HECTD4: variants seen among roughly 807,000 people sequenced by gnomAD.
HECTD4 encodes probable E3 ubiquitin-protein ligase HECTD4.
Under a neutral mutation model 471.5 loss-of-function variants are expected in HECTD4, and 114 were observed. The observed-to-expected ratio is 0.24, with a 90% CI of 0.21 to 0.28. The LOEUF (loss-of-function observed/expected upper bound fraction) is 0.28. HECTD4 is among the 10% of genes least tolerant of loss of function. The probability of loss-of-function intolerance (pLI) is 1.00; values close to 1 mark genes in which losing one functional copy is unlikely to be tolerated. For synonymous variants in HECTD4, 2,012 were observed against 2,256.0 expected, an observed-to-expected ratio of 0.89 and a Z score of 3.07; for missense variants, 3,866 against 5,651.5, an observed-to-expected ratio of 0.68 and a Z score of 10.13.
chr12:112,228,006 G>A lies in HECTD4; in HGVS notation c.6854+83C>T. On this transcript the variant is annotated intron_variant, in intron 43 of 75. Coordinates refer to ENST00000682272, the MANE Select transcript of HECTD4 (RefSeq NM_001388303.1). This position sits in a 1 kb window ranked among gnomAD's most constrained non-coding sequence, Gnocchi z 4.9. The stretch of plus-strand genomic sequence containing the variant: ...TCAAGCTGTGGATTCACTAAGTTGG[G>A]AGTGGAGGGGCCCACCAAGGATCCC... 7.9e-7 allele frequency: 1 copy of A among 1,268,824 alleles called. No homozygotes were observed. The highest frequency in any genetic ancestry group is 1.7e-5 in the South Asian group (1 of 59,854). 78.6% of individuals were successfully genotyped at this position (1,268,824 alleles called of 1,614,324 possible). A position where few individuals can be genotyped will look rare whatever the true frequency, so the allele number is the denominator to read the frequency against.
At position 112,306,172 on chromosome 12, in the gene HECTD4, C is replaced by T; in HGVS notation, c.1227G>A (p.Val409=). 1 of 1,612,224 alleles carries T rather than the reference C, an allele frequency of 6.2e-7. No individual in the cohort carries two copies. Among genetic ancestry groups the T allele is most frequent in the Non-Finnish European group, 8.5e-7 (1 of 1,179,344 alleles). ...AGTAAGTGCCATCTGAAGACAGGTG[C>T]ACAGTGCTCATGGTGCTGCCAATGG... is the stretch of plus-strand genomic sequence containing the variant. ...HLPIGSTMST[V]HLSSDGTYFY... Residue 409 remains valine, a synonymous_variant, in exon 7 of 76, where the codon GTG becomes GTA. Coordinates refer to ENST00000682272, the MANE Select transcript of HECTD4 (RefSeq NM_001388303.1).
At chr12:112,293,918 G>T (rs1210320270) in intron 7 of HECTD4, among the ~76,000 whole-genome samples, 1 of 152,098 alleles carries the variant, frequency 6.6e-6, no homozygotes, top group Non-Finnish European at 1.5e-5. Context: ...TGTGGGCGGG[G>T]AGGCAAGGTC....
rs535467078 is a variant in HECTD4 at position 112,236,907 on chromosome 12, C to T, written c.5444+38G>A. 357 of 1,493,674 alleles carry T rather than the reference C, an allele frequency of 2.4e-4. 3 individuals carry two copies. In the East Asian group the frequency reaches 7.4e-3, roughly 31 times the overall value. 92.5% of individuals were successfully genotyped at this position (1,493,674 alleles called of 1,614,324 possible). On this transcript the variant is annotated intron_variant, in intron 35 of 75. Coordinates refer to ENST00000682272, the MANE Select transcript of HECTD4 (RefSeq NM_001388303.1). ...AAACCCCAATCGTTCAAGAGGAAAG[C>T]CAGCTTCTCCCAGAGCTCCAGGCTG...
chr12:112,282,976 C>T (rs568042150), intron 8 of HECTD4, 134 bp downstream of exon 8: 19 of 587,452 alleles, frequency 3.2e-5, no homozygotes, highest in Non-Finnish European at 4.2e-5. Context: ...AAAAGCTGGA[C>T]AATGACTGGA....
chr12:112,247,064 T>C lies in HECTD4; in HGVS notation c.4350A>G (p.Leu1450=). 1.2e-6 allele frequency: 2 copies of C among 1,604,700 alleles called. No individual in the cohort carries two copies. The highest frequency in any genetic ancestry group is 8.5e-7 in the Non-Finnish European group (1 of 1,175,632). Residue 1450 remains leucine (L), a synonymous_variant, in exon 29 of 76, where the codon CTA becomes CTG. Transcript: ENST00000682272. ...NMVLSLREKF[L]QEVNSLIQKP... ...TCTGAATAAGAGAATTCACTTCTTG[T>C]AGGAACTTCTCCCTATAAAGAAAGA...
At chr12:112,287,943 T>C (rs2034791419) in intron 7 of HECTD4, among the ~76,000 whole-genome samples, 1 of 152,068 alleles carries the variant, frequency 6.6e-6, no homozygotes, top group African/African-American at 2.4e-5. Flanking sequence ...TGGCCCCTAA[T>C]GAATGATGCA....
At chr12:112,288,365 G>A (rs1395130708) in intron 7 of HECTD4, among the ~76,000 whole-genome samples, 1 of 151,248 alleles carries the variant, frequency 6.6e-6, no homozygotes, top group Non-Finnish European at 1.5e-5. Context: ...GCTCATGCCT[G>A]TAATCCCAGC....
At chr12:112,323,261 AGAGTT>A (rs1339310045) in intron 1 of HECTD4, among the ~76,000 whole-genome samples, 1 of 152,200 alleles carries the variant, frequency 6.6e-6, no homozygotes, top group Non-Finnish European at 1.5e-5. Context: ...GAATGCAGAT[AGAGTT>A]AAGAAATGAC....
chr12:112,352,217 A>G (rs2036257805), intron 1 of HECTD4, among the ~76,000 whole-genome samples: 1 of 152,136 alleles, frequency 6.6e-6, no homozygotes, highest in Non-Finnish European at 1.5e-5. Context: ...AATATGAGTT[A>G]GGGTAGCTGT....
Position 112,235,857 on chromosome 12 carries a change from C to T in HECTD4, c.5445-73G>A. 7.9e-7 allele frequency: 1 copy of T among 1,267,678 alleles called. No homozygotes were observed. The highest frequency in any genetic ancestry group is 2.5e-5 in the East Asian group (1 of 39,564). The allele number at this position is 1,267,678 out of a possible 1,614,324, so 78.5% of individuals were successfully genotyped here. A position where few individuals can be genotyped will look rare whatever the true frequency, so the allele number is the denominator to read the frequency against. The stretch of plus-strand genomic sequence containing the variant: ...ATAGACATTCAGAAGCAAGAGTTCT[C>T]TGAATGAAACAAACCAATGAAATCT... On this transcript the variant is annotated intron_variant, in intron 35 of 75. Transcript: ENST00000682272. This position sits in a 1 kb window ranked among gnomAD's most constrained non-coding sequence, Gnocchi z 5.0.
Position 112,193,760 on chromosome 12 carries a change from A to C in HECTD4, c.8750-86T>G. On this transcript the variant is annotated intron_variant, in intron 56 of 75. Transcript: ENST00000682272. The surrounding 1 kb of genome is among the most constrained non-coding windows in gnomAD (Gnocchi z 5.2). ...CTAAGTAACAGAAAATGAATAACCC[A>C]TCCAGAAACCCCAGATGGGAGGGTT... is the stretch of plus-strand genomic sequence containing the variant. The C allele has an allele frequency of 8.3e-7, 1 of 1,207,462 alleles. No individual in the cohort carries two copies. Among genetic ancestry groups the C allele is most frequent in the Non-Finnish European group, 1.2e-6 (1 of 839,204 alleles). 74.8% of individuals were successfully genotyped at this position (1,207,462 alleles called of 1,614,324 possible).
At position 112,235,340 on chromosome 12, in the gene HECTD4, ATGGTTTGGGATT is replaced by A; in HGVS notation, c.5726-86_5726-75del. 6.6e-7 allele frequency: 1 copy of A among 1,521,464 alleles called. No homozygotes were observed. The highest frequency in any genetic ancestry group is 1.3e-5 in the South Asian group (1 of 78,046). 94.2% of individuals were successfully genotyped at this position (1,521,464 alleles called of 1,614,324 possible). A position where few individuals can be genotyped will look rare whatever the true frequency, so the allele number is the denominator to read the frequency against. On this transcript the variant is annotated intron_variant, in intron 36 of 75. Coordinates refer to ENST00000682272, the MANE Select transcript of HECTD4 (RefSeq NM_001388303.1). The surrounding 1 kb of genome is among the most constrained non-coding windows in gnomAD (Gnocchi z 5.0). ...GGCGGCTCTGCTAAAATGAAAAATA[ATGGTTTGGGATT>A]TGGAATCTTTCTTCCCCCTTCTCTA...
At chr12:112,245,418 C>T (rs1374925835) in intron 29 of HECTD4, among the ~76,000 whole-genome samples, 1 of 152,230 alleles carries the variant, frequency 6.6e-6, no homozygotes, top group African/African-American at 2.4e-5. Flanking sequence ...ACAGTACTAA[C>T]AGCCTTACCA....
chr12:112,336,855 T>C (rs1198145913), intron 1 of HECTD4, among the ~76,000 whole-genome samples: 2 of 152,208 alleles, frequency 1.3e-5, no homozygotes, highest in East Asian at 3.8e-4. Context: ...TTACGTATTT[T>C]TACAATTTTC....
At chr12:112,291,406 T>C (rs1005732263) in intron 7 of HECTD4, among the ~76,000 whole-genome samples, 25 of 152,244 alleles carry the variant, frequency 1.6e-4, no homozygotes, top group African/African-American at 5.5e-4. Context: ...CATCTAATAT[T>C]GAGTCCATAA....
At chr12:112,348,936 T>C (rs966368018) in intron 1 of HECTD4, among the ~76,000 whole-genome samples, 1 of 152,226 alleles carries the variant, frequency 6.6e-6, no homozygotes, top group African/African-American at 2.4e-5. Context: ...TTCATCTTCT[T>C]TTTTTGTTAT....
At chr12:112,251,162 C>T in intron 23 of HECTD4, 28 bp from the exon 24 acceptor site, 1 of 1,608,986 alleles carries the variant, frequency 6.2e-7, no homozygotes, top group Non-Finnish European at 8.5e-7. Context: ...GTAAACCACA[C>T]TGGTCAGTGT....
intron 9 of HECTD4, among the ~76,000 whole-genome samples, chr12:112,276,500 T>C (rs578232699): frequency 2.0e-5 from 3 of 152,278 alleles, no homozygotes; most frequent in Non-Finnish European, 4.4e-5. Flanking sequence ...CAGGCTGGAG[T>C]GCAGTGGCGC....
chr12:112,293,427 A>G (rs1364310346), intron 7 of HECTD4, among the ~76,000 whole-genome samples: 3 of 151,804 alleles, frequency 2.0e-5, no homozygotes, highest in Non-Finnish European at 4.4e-5. Context: ...CTGTAATCTC[A>G]GCCACTCGGG....
Sources: allele counts gnomAD v4.1 joint callset (sites outside exome capture counted in the v4.1 genomes callset), GRCh38; gene constraint gnomAD v4.1.1; non-coding constraint Gnocchi (gnomAD v3.1); transcripts MANE v1.5; gene names NCBI Gene and HGNC (gene_info 2026-07-23, HGNC 2026-07-21).